LPP: variants seen among roughly 807,000 people sequenced by gnomAD.
The protein encoded by LPP is lipoma-preferred partner.
Under a neutral mutation model 60.4 loss-of-function variants are expected in LPP, and 38 were observed. The ratio of observed to expected loss-of-function variants is 0.63; its 90% CI spans 0.49 to 0.83. The LOEUF is 0.83. Ranked by LOEUF, LPP falls within the 40% of genes least tolerant of loss-of-function variation. LPP has a pLI of 0.00. For synonymous variants in LPP, 328 were observed against 290.8 expected (o/e 1.13, Z -1.30); for missense variants, 902 against 783.6 (o/e 1.15, Z -1.80).
At chr3:188,847,641 G>A (rs1249310743) in intron 9 of LPP, among the ~76,000 whole-genome samples, 1 of 152,180 alleles carries the variant, frequency 6.6e-6, no homozygotes, top group African/African-American at 2.4e-5. Context: ...AACTTTTATT[G>A]TCTAACTCTC....
rs972304170 is a variant in LPP at position 188,875,439 on chromosome 3, T to C, written c.*960T>C. 11 of 216,216 alleles carry C rather than the reference T, an allele frequency of 5.1e-5. No homozygotes were observed. Among genetic ancestry groups the C allele is most frequent in the Admixed American group, 1.2e-4 (2 of 17,176 alleles). The allele number at this position is 216,216 out of a possible 1,614,324, so 13.4% of individuals were successfully genotyped here. A position where few individuals can be genotyped will look rare whatever the true frequency, so the allele number is the denominator to read the frequency against. ...CAAAATTGCCTTTTTCTCTAGAGGA[T>C]GAAGGCTGTGAAAAAACCGTTCAAA... is the stretch of plus-strand genomic sequence containing the variant. On this transcript the variant is annotated 3_prime_UTR_variant, in exon 12 of 12. Coordinates refer to ENST00000617246, the MANE Select transcript of LPP (RefSeq NM_001375462.1).
At chr3:188,355,037 T>G (rs1333380751) in intron 3 of LPP, among the ~76,000 whole-genome samples, 1 of 152,062 alleles carries the variant, frequency 6.6e-6, no homozygotes, top group Non-Finnish European at 1.5e-5. Context: ...TTAGACAGAG[T>G]CTCGCTCTGT....
intron 9 of LPP, among the ~76,000 whole-genome samples, chr3:188,804,243 T>TTATTTATATATATATA (rs1748267170): frequency 2.7e-5 from 1 of 37,698 alleles, no homozygotes; most frequent in Non-Finnish European, 4.3e-5. Flanking sequence ...TAGTGCATCT[T>TTATTTATATATATATA]TATATATATA....
chr3:188,251,119 C>G (rs888937654), intron 2 of LPP, among the ~76,000 whole-genome samples: 4 of 144,408 alleles, frequency 2.8e-5, no homozygotes, highest in African/African-American at 7.7e-5. Flanking sequence ...CTCTATTTTC[C>G]TCTTTCTTTC....
chr3:188,328,677 G>A (rs1433798186), intron 2 of LPP, among the ~76,000 whole-genome samples: 2 of 152,166 alleles, frequency 1.3e-5, no homozygotes, highest in East Asian at 1.9e-4. Context: ...AATTTAAACA[G>A]TTACACAAAG....
chr3:188,193,391 T>A (rs1283211492), intron 1 of LPP, among the ~76,000 whole-genome samples: 1 of 152,190 alleles, frequency 6.6e-6, no homozygotes, highest in East Asian at 1.9e-4. Flanking sequence ...TCGGTTTCCT[T>A]ACCTGTAAAA....
chr3:188,454,113 C>G (rs1279195448), intron 4 of LPP, among the ~76,000 whole-genome samples: 2 of 152,166 alleles, frequency 1.3e-5, no homozygotes, highest in Non-Finnish European at 2.9e-5. Flanking sequence ...AGTTACTATT[C>G]CCACTTTACA....
intron 2 of LPP, among the ~76,000 whole-genome samples, chr3:188,332,263 A>G (rs929485491): frequency 1.3e-5 from 2 of 152,174 alleles, no homozygotes; most frequent in Admixed American, 1.3e-4. Context: ...AGCCTCTGTT[A>G]ATCTTCCTGT....
rs1442399665 is a variant in LPP, at chr3:188,889,413, G to A, written c.*14934G>A. 6 of 231,742 alleles carry A rather than the reference G, an allele frequency of 2.6e-5. No individual in the cohort carries two copies. The East Asian group carries it at 3.0e-4, about 12-fold the overall frequency. 14.4% of individuals were successfully genotyped at this position (231,742 alleles called of 1,614,324 possible). ...GATTCCAAAAAAGATCGTTCTCAAT[G>A]TGTCGTCTGACTCAACCAGCTGGCA... On this transcript the variant is annotated 3_prime_UTR_variant, in exon 12 of 12. Coordinates refer to ENST00000617246, the MANE Select transcript of LPP (RefSeq NM_001375462.1).
At chr3:188,607,272 GAGA>G (rs1842582853) in intron 6 of LPP, among the ~76,000 whole-genome samples, 1 of 150,578 alleles carries the variant, frequency 6.6e-6, no homozygotes, top group African/African-American at 2.4e-5. Context: ...CTTTGGAGAT[GAGA>G]AGATTTTTCT....
chr3:188,295,508 T>C (rs1329044739), intron 2 of LPP, among the ~76,000 whole-genome samples: 1 of 152,214 alleles, frequency 6.6e-6, no homozygotes, highest in East Asian at 1.9e-4. Context: ...TTTGGACTTT[T>C]ATTTTCCTCA....
In LPP at chr3:188,211,805, G is replaced by A. The variant is rs1046351949; in HGVS notation, c.-189-13600G>A. Among the ~76,000 whole-genome samples, 5 of 151,402 alleles carry A rather than the reference G, an allele frequency of 3.3e-5. No individual in the cohort carries two copies. The East Asian group carries it at 5.9e-4, about 18-fold the overall frequency. ...AGACCAAGAGACTCTGGGCTTGGGC[G>A]TGAGAGACTTGGGGCTGTTCTTTTT... On this transcript the variant is annotated intron_variant, in intron 1 of 11. Coordinates refer to ENST00000617246, the MANE Select transcript of LPP (RefSeq NM_001375462.1).
chr3:188,334,106 A>G lies in LPP; in HGVS notation c.-66-7557A>G, dbSNP rs139139211. Reference sequence around the variant, plus strand: ...TTCTTTCAGCTTCCACATATGAGAAAGGACATGTGACAAATAACTTTCTGC... The same window carrying G: ...TTCTTTCAGCTTCCACATATGAGAAGGGACATGTGACAAATAACTTTCTGC... On this transcript the variant is annotated intron_variant, in intron 2 of 11. Transcript: ENST00000617246. Among the ~76,000 whole-genome samples the G allele has an allele frequency of 4.5e-4, 68 of 152,340 alleles. No homozygotes were observed. The East Asian group carries it at 0.012, about 27-fold the overall frequency.
chr3:188,390,931 C>T (rs1779542296), intron 3 of LPP, among the ~76,000 whole-genome samples: 1 of 152,146 alleles, frequency 6.6e-6, no homozygotes. Flanking sequence ...CTCCTCGAGG[C>T]TTTCTAGTTG....
At position 188,609,793 on chromosome 3, in the gene LPP, C is replaced by T. The variant is rs1281033498; in HGVS notation, c.1062C>T (p.Thr354=). 1 of 1,613,834 alleles carries T rather than the reference C, an allele frequency of 6.2e-7. No individual in the cohort carries two copies. Among genetic ancestry groups the T allele is most frequent in the South Asian group, 1.1e-5 (1 of 91,076 alleles). Residue 354 remains threonine (T), a synonymous_variant, in exon 7 of 12, where the codon ACC becomes ACT. Coordinates refer to ENST00000617246, the MANE Select transcript of LPP (RefSeq NM_001375462.1). This position sits in a 1 kb window ranked among gnomAD's most constrained non-coding sequence, Gnocchi z 6.9. The stretch of plus-strand genomic sequence containing the variant: ...ATCCAGTCACTGGTCCCAAGAAGAC[C>T]TATATCACAGATCCTGTTTCAGCCC... The part of the protein sequence containing the change: ...GMYPVTGPKK[T]YITDPVSAPC...
intron 3 of LPP, among the ~76,000 whole-genome samples, chr3:188,351,131 T>G (rs1765712384): frequency 6.6e-6 from 1 of 152,248 alleles, no homozygotes; most frequent in South Asian, 2.1e-4. Flanking sequence ...GATTACTTTC[T>G]GCTTCTCTGA....
At chr3:188,787,480 G>A (rs1742319040) in intron 9 of LPP, among the ~76,000 whole-genome samples, 1 of 151,866 alleles carries the variant, frequency 6.6e-6, no homozygotes, top group South Asian at 2.1e-4. Context: ...TCTACTAACA[G>A]TTCAGCTCCC....
chr3:188,210,513 G>A (rs1032443593), intron 1 of LPP, among the ~76,000 whole-genome samples: 3 of 152,202 alleles, frequency 2.0e-5, no homozygotes, highest in Admixed American at 6.5e-5. Context: ...TACCAATGGG[G>A]CAGGCACTGG....
intron 2 of LPP, among the ~76,000 whole-genome samples, chr3:188,339,749 G>T (rs764123730): frequency 6.6e-6 from 1 of 152,016 alleles, no homozygotes; most frequent in Non-Finnish European, 1.5e-5. Flanking sequence ...TGACATTTTC[G>T]GTGTGGACAC....
Sources: gnomAD v4.1 joint callset for allele counts (sites outside exome capture counted in the v4.1 genomes callset) on GRCh38, gnomAD v4.1.1 for gene constraint, Gnocchi (gnomAD v3.1) non-coding constraint, MANE v1.5 for transcripts, NCBI Gene and HGNC (gene_info 2026-07-23, HGNC 2026-07-21) for gene names.